Variants in ROBO1 observed in about 807,000 individuals in gnomAD.
ROBO1 encodes the protein roundabout guidance receptor 1, also known as roundabout homolog 1.
ROBO1 carries 149 observed loss-of-function variants against 195.9 expected under a neutral mutation model. The observed-to-expected ratio is 0.76, with a 90% CI of 0.67 to 0.87. The LOEUF (loss-of-function observed/expected upper bound fraction) is 0.87, where lower values mean the gene tolerates loss of function less well. Among genes scored for constraint, ROBO1 ranks in the 40% least tolerant of loss-of-function variants. The pLI is 0.00. For missense variants in ROBO1, 1,933 were observed against 2,068.3 expected, an observed-to-expected ratio of 0.93 and a Z score of 1.27; for synonymous variants, 816 against 733.2, an observed-to-expected ratio of 1.11 and a Z score of -1.82.
intron 2 of ROBO1, among the ~76,000 whole-genome samples, chr3:79,343,780 G>C (rs891802726): frequency 6.6e-6 from 1 of 152,136 alleles, no homozygotes; most frequent in African/African-American, 2.4e-5. Flanking sequence ...AAGAATCTGA[G>C]TGTCCTTTGA....
At chr3:79,154,419 G>T (rs576806640) in intron 2 of ROBO1, among the ~76,000 whole-genome samples, 4 of 151,834 alleles carry the variant, frequency 2.6e-5, no homozygotes, top group Middle Eastern at 3.4e-3. Context: ...TCTTTGCAAT[G>T]AAGTTTTTTT....
At chr3:79,711,065 T>C (rs1160108346) in intron 1 of ROBO1, among the ~76,000 whole-genome samples, 2 of 152,286 alleles carry the variant, frequency 1.3e-5, no homozygotes, top group African/African-American at 2.4e-5. Context: ...AATTTACTTA[T>C]GAAAAGTTGA....
chr3:79,060,659 G>C (rs1448863063), intron 3 of ROBO1, among the ~76,000 whole-genome samples: 3 of 152,062 alleles, frequency 2.0e-5, no homozygotes, highest in South Asian at 2.1e-4. Context: ...CCATGATCAA[G>C]TTGGCTTTAT....
At chr3:78,932,245 T>G (rs1278496266) in intron 4 of ROBO1, among the ~76,000 whole-genome samples, 1 of 152,174 alleles carries the variant, frequency 6.6e-6, no homozygotes, top group Non-Finnish European at 1.5e-5. Context: ...TTAAAGACAG[T>G]ACTGTTGATA....
At chr3:79,316,499 T>C (rs6775946) in intron 2 of ROBO1, among the ~76,000 whole-genome samples, 6,692 of 152,104 alleles carry the variant, frequency 0.044, 272 homozygotes, top group African/African-American at 0.11. Context: ...GGAGAGTCAT[T>C]CAATTATGGT....
intron 4 of ROBO1, among the ~76,000 whole-genome samples, chr3:78,795,482 C>T (rs2084158229): frequency 6.6e-6 from 1 of 152,176 alleles, no homozygotes; most frequent in Non-Finnish European, 1.5e-5. Flanking sequence ...GAACCAGATG[C>T]CATCTTTATT....
intron 4 of ROBO1, among the ~76,000 whole-genome samples, chr3:78,753,184 T>C (rs568185870): frequency 2.6e-5 from 4 of 152,238 alleles, no homozygotes; most frequent in African/African-American, 9.6e-5. Flanking sequence ...TAGCAAATTG[T>C]TTATTTACAT....
At chr3:79,048,284 G>A (rs753880436) in intron 3 of ROBO1, among the ~76,000 whole-genome samples, 8 of 152,012 alleles carry the variant, frequency 5.3e-5, no homozygotes, top group Non-Finnish European at 1.2e-4. Context: ...ACTGATCTCT[G>A]GTTATTTTTC....
chr3:79,123,568 C>G (rs541761045), intron 3 of ROBO1, among the ~76,000 whole-genome samples: 1 of 151,928 alleles, frequency 6.6e-6, no homozygotes, highest in East Asian at 1.9e-4. Context: ...ATTTGTATAG[C>G]AGAAGAGAGG....
At chr3:79,486,699 A>G (rs533645731) in intron 2 of ROBO1, among the ~76,000 whole-genome samples, 35 of 152,158 alleles carry the variant, frequency 2.3e-4, no homozygotes, top group Non-Finnish European at 1.8e-4. Context: ...AGTTTCAAAT[A>G]TGTATTTACC....
intron 4 of ROBO1, among the ~76,000 whole-genome samples, chr3:78,778,832 G>A (rs12638047): frequency 6.6e-6 from 1 of 152,128 alleles, no homozygotes; most frequent in African/African-American, 2.4e-5. Context: ...GAACAAAGCT[G>A]GAGGCATCAT....
At chr3:79,012,790 A>G in intron 3 of ROBO1, among the ~76,000 whole-genome samples, 1 of 152,260 alleles carries the variant, frequency 6.6e-6, no homozygotes, top group African/African-American at 2.4e-5. Context: ...ATGGTTAAAA[A>G]AGAGAGAGGA....
chr3:79,256,256 T>C (rs2082831636), intron 2 of ROBO1, among the ~76,000 whole-genome samples: 1 of 152,154 alleles, frequency 6.6e-6, no homozygotes, highest in African/African-American at 2.4e-5. Flanking sequence ...TCTTCTTTGG[T>C]TCTAATTCGG....
chr3:79,317,903 C>T (rs1056530087), intron 2 of ROBO1, among the ~76,000 whole-genome samples: 9 of 152,204 alleles, frequency 5.9e-5, no homozygotes, highest in East Asian at 3.9e-4. Context: ...TATACACACA[C>T]GCATAAACAA....
intron 2 of ROBO1, among the ~76,000 whole-genome samples, chr3:79,138,034 A>C (rs577363425): frequency 3.9e-5 from 6 of 152,230 alleles, no homozygotes; most frequent in Non-Finnish European, 8.8e-5. Context: ...ATACACAATA[A>C]AAAATTATTA....
chr3:78,881,706 C>T lies in ROBO1; in HGVS notation c.499+56895G>A, dbSNP rs532337632. 7.9e-5 allele frequency among the ~76,000 whole-genome samples: 12 copies of T among 152,102 alleles called. No homozygotes were observed. In the East Asian group the frequency reaches 1.9e-3, roughly 25 times the overall value. On this transcript the variant is annotated intron_variant, in intron 4 of 30. Coordinates refer to ENST00000464233, the MANE Select transcript of ROBO1 (RefSeq NM_002941.4). ...ATTTTATTATCGACTGCATCAGGCC[C>T]GTGGCCTGATACAGCAACACTCAAA... is the stretch of plus-strand genomic sequence containing the variant.
At chr3:78,869,246 C>T (rs895498028) in intron 4 of ROBO1, among the ~76,000 whole-genome samples, 1 of 151,898 alleles carries the variant, frequency 6.6e-6, no homozygotes, top group African/African-American at 2.4e-5. Context: ...ATCAACTTAC[C>T]CAGTAATTAA....
At chr3:79,032,662 C>T (rs78898337) in intron 3 of ROBO1, among the ~76,000 whole-genome samples, 2,427 of 151,982 alleles carry the variant, frequency 0.016, 78 homozygotes, top group African/African-American at 0.055. Context: ...ATGCTATTTC[C>T]TAGTTTTTTA....
chr3:78,679,107 C>A (rs1419039023), intron 10 of ROBO1, among the ~76,000 whole-genome samples: 1 of 152,130 alleles, frequency 6.6e-6, no homozygotes, highest in Non-Finnish European at 1.5e-5. Context: ...CAGAAAAGAC[C>A]TTTGACAAAA....
Sources: gnomAD v4.1 joint callset for allele counts (sites outside exome capture counted in the v4.1 genomes callset) on GRCh38, gnomAD v4.1.1 for gene constraint, MANE v1.5 for transcripts, NCBI Gene and HGNC (gene_info 2026-07-23, HGNC 2026-07-21) for gene names.